MFSD8: variants seen among roughly 807,000 people sequenced by gnomAD.
The protein encoded by MFSD8 is major facilitator superfamily domain containing 8.
In MFSD8, 55 loss-of-function variants were observed where a neutral mutation model predicts 66.4. The observed-to-expected ratio is 0.83, with a 90% CI of 0.67 to 1.04. The LOEUF is 1.04. Among genes scored for constraint, MFSD8 ranks in the 50% least tolerant of loss-of-function variants. The probability of loss-of-function intolerance (pLI) is 0.00; values close to 1 mark genes in which losing one functional copy is unlikely to be tolerated. For missense variants in MFSD8, 550 were observed against 627.6 expected (o/e 0.88, Z 1.32); for synonymous variants, 202 against 212.8 (o/e 0.95, Z 0.44).
At chr4:127,952,494 A>T (rs1349321868) in intron 2 of MFSD8, among the ~76,000 whole-genome samples, 2 of 152,318 alleles carry the variant, frequency 1.3e-5, no homozygotes, top group East Asian at 3.9e-4. Flanking sequence ...TAAAGGACTG[A>T]AAGCACCAAT....
At chr4:127,945,020 C>T (rs966001994) in intron 3 of MFSD8, among the ~76,000 whole-genome samples, 5 of 152,100 alleles carry the variant, frequency 3.3e-5, no homozygotes, top group Admixed American at 6.5e-5. Context: ...ATGTGGTAGG[C>T]TAAGCCAGGC....
chr4:127,959,696 G>A (rs1450818227), intron 1 of MFSD8, among the ~76,000 whole-genome samples: 3 of 152,046 alleles, frequency 2.0e-5, no homozygotes, highest in African/African-American at 7.2e-5. Flanking sequence ...GTTAGTGACA[G>A]GATATACAGG....
At chr4:127,933,949 GGGATTACATGTGGTTTACATGT>G (rs924434413) in intron 7 of MFSD8, among the ~76,000 whole-genome samples, 4 of 152,124 alleles carry the variant, frequency 2.6e-5, no homozygotes. Flanking sequence ...CCCAGCAGGT[GGGATTACATGTGGTTTACATGT>G]GGATTACATG....
intron 4 of MFSD8, 170 bp downstream of exon 4, chr4:127,943,582 C>CATCATGAG: frequency 1.4e-6 from 1 of 706,122 alleles, no homozygotes; most frequent in Non-Finnish European, 2.3e-6. Flanking sequence ...GTAATGAGAA[C>CATCATGAG]ATCATGAGCA....
In MFSD8 at chr4:127,951,777, G is replaced by A. The variant is rs1446345155; in HGVS notation, c.155-1930C>T. On this transcript the variant is annotated intron_variant, in intron 2 of 11. Coordinates refer to ENST00000641686, the MANE Select transcript of MFSD8 (RefSeq NM_001371596.2). ...CAGAGTCTCGCTATGTCACCAGGCT[G>A]GAGTGCAGTGGCGCAATCTCGGCTC... 2.0e-5 allele frequency among the ~76,000 whole-genome samples: 3 copies of A among 147,962 alleles called. No individual in the cohort carries two copies. In the Admixed American group the frequency reaches 2.0e-4, roughly 10 times the overall value.
rs868575263 is a variant in MFSD8, at chr4:127,939,625, A to C, written c.698+228T>G. Reference sequence around the variant, plus strand: ...GTCTCAAAAAAAAAAAAAAAAAAAAAAAAAAAACTTTGAATCTTCAAAGAC... The same window carrying C: ...GTCTCAAAAAAAAAAAAAAAAAAAACAAAAAAACTTTGAATCTTCAAAGAC... On this transcript the variant is annotated intron_variant, in intron 6 of 11. Transcript: ENST00000641686. 98 of 327,190 alleles carry C rather than the reference A, an allele frequency of 3.0e-4. 2 individuals carry two copies. The South Asian group carries it at 4.6e-3, about 15-fold the overall frequency. 20.3% of individuals were successfully genotyped at this position (327,190 alleles called of 1,614,324 possible).
intron 2 of MFSD8, 103 bp from the exon 3 acceptor site, chr4:127,949,950 T>A: frequency 9.9e-7 from 1 of 1,009,650 alleles, no homozygotes; most frequent in Non-Finnish European, 1.5e-6. Context: ...ATTCTGAACC[T>A]AAAATCTATG....
chr4:127,922,626 A>C (rs1427109070), intron 9 of MFSD8, among the ~76,000 whole-genome samples: 1 of 143,684 alleles, frequency 7.0e-6, no homozygotes, highest in African/African-American at 2.5e-5. Flanking sequence ...CCCTGTCGCC[A>C]AAAAAAAAAA....
At chr4:127,941,581 C>A (rs1359927326) in intron 5 of MFSD8, among the ~76,000 whole-genome samples, 1 of 152,112 alleles carries the variant, frequency 6.6e-6, no homozygotes, top group Non-Finnish European at 1.5e-5. Context: ...CCTGCCTCAG[C>A]CTCCCAAGTA....
chr4:127,948,770 C>T (rs1341528561), intron 3 of MFSD8, among the ~76,000 whole-genome samples: 2 of 152,188 alleles, frequency 1.3e-5, no homozygotes, highest in Non-Finnish European at 2.9e-5. Context: ...CTAGCATGCT[C>T]AGCCCCTTCA....
intron 9 of MFSD8, among the ~76,000 whole-genome samples, chr4:127,929,322 CA>C (rs543453360): frequency 6.5e-3 from 197 of 30,316 alleles, no homozygotes; most frequent in African/African-American, 0.034. Flanking sequence ...GACTCCGTCA[CA>C]AAAAAAAAAA....
chr4:127,947,001 ACAG>A (rs1741146071), intron 3 of MFSD8, among the ~76,000 whole-genome samples: 1 of 152,110 alleles, frequency 6.6e-6, no homozygotes, highest in African/African-American at 2.4e-5. Context: ...CTCTGTAAAT[ACAG>A]TGTTAGGACA....
Position 127,920,128 on chromosome 4 carries a change from A to T in MFSD8, c.*502T>A, listed in dbSNP as rs1452069579. ...ATGGAAAATATGTGTTATAATTTTT[A>T]TTTCATAAGTGAACTTGATAATAGA... is the stretch of plus-strand genomic sequence containing the variant. On this transcript the variant is annotated 3_prime_UTR_variant, in exon 12 of 12. Transcript: ENST00000641686. 6.3e-6 allele frequency: 1 copy of T among 159,944 alleles called. No individual in the cohort carries two copies. Among genetic ancestry groups the T allele is most frequent in the African/African-American group, 2.4e-5 (1 of 41,482 alleles). The allele number at this position is 159,944 out of a possible 1,614,324, so 9.9% of individuals were successfully genotyped here. A position where few individuals can be genotyped will look rare whatever the true frequency, so the allele number is the denominator to read the frequency against.
At chr4:127,932,502 A>G (rs2148880163) in intron 8 of MFSD8, 1 of 152,606 alleles carries the variant, frequency 6.6e-6, no homozygotes, top group South Asian at 2.1e-4. Context: ...TTATAATTTC[A>G]TGGAAAGTTA....
intron 7 of MFSD8, among the ~76,000 whole-genome samples, chr4:127,934,039 GAC>G (rs1738614120): frequency 6.6e-6 from 1 of 152,094 alleles, no homozygotes; most frequent in African/African-American, 2.4e-5. Flanking sequence ...AGAAGTTTGA[GAC>G]CAGCCTGGCC....
At chr4:127,964,885 G>A in intron 1 of MFSD8, 187 bp downstream of exon 1, 1 of 702,768 alleles carries the variant, frequency 1.4e-6, no homozygotes, top group East Asian at 2.7e-5. Context: ...ACCGCACGGT[G>A]CGGCCAGACG....
intron 9 of MFSD8, among the ~76,000 whole-genome samples, chr4:127,925,625 C>T (rs1481375699): frequency 2.0e-5 from 3 of 152,088 alleles, no homozygotes; most frequent in Non-Finnish European, 4.4e-5. Flanking sequence ...ATAGGAACAC[C>T]TTTACACTGT....
At chr4:127,964,382 G>A (rs1029810343) in intron 1 of MFSD8, among the ~76,000 whole-genome samples, 2 of 152,240 alleles carry the variant, frequency 1.3e-5, no homozygotes, top group Non-Finnish European at 2.9e-5. Context: ...GCCCTGCCCC[G>A]CGGGAAGGCA....
chr4:127,936,294 A>G (rs1418982098), intron 7 of MFSD8, among the ~76,000 whole-genome samples: 1 of 152,076 alleles, frequency 6.6e-6, no homozygotes, highest in Non-Finnish European at 1.5e-5. Context: ...TTATATTTTT[A>G]GCAGAGACAG....
Sources: gnomAD v4.1 joint callset for allele counts (sites outside exome capture counted in the v4.1 genomes callset) on GRCh38, gnomAD v4.1.1 for gene constraint, MANE v1.5 for transcripts, NCBI Gene and HGNC (gene_info 2026-07-23, HGNC 2026-07-21) for gene names.